CACNA2D4: variants seen among roughly 807,000 people sequenced by gnomAD.
CACNA2D4 encodes the protein calcium voltage-gated channel auxiliary subunit alpha2delta 4.
In CACNA2D4, 157 loss-of-function variants were observed where a neutral mutation model predicts 163.8. The ratio of observed to expected loss-of-function variants is 0.96; its 90% CI spans 0.84 to 1.09. The LOEUF is 1.09. Ranked by LOEUF, CACNA2D4 falls within the 50% of genes least tolerant of loss-of-function variation. The probability of loss-of-function intolerance (pLI) is 0.00; values close to 1 mark genes in which losing one functional copy is unlikely to be tolerated. For synonymous variants in CACNA2D4, 598 were observed against 586.9 expected (o/e 1.02, Z -0.27); for missense variants, 1,410 against 1,479.9 (o/e 0.95, Z 0.78).
At chr12:1,827,370 C>T (rs139676246) in intron 26 of CACNA2D4, 307 of 153,094 alleles carry the variant, frequency 2.0e-3, no homozygotes, top group Admixed American at 4.0e-3. Flanking sequence ...CCCTACTCTG[C>T]GTTCTCACCT....
intron 36 of CACNA2D4, 61 bp downstream of exon 36, chr12:1,795,607 C>G (rs997569250): frequency 2.4e-6 from 3 of 1,225,144 alleles, no homozygotes. Flanking sequence ...AATCTGAGCC[C>G]TACAGACACC....
In CACNA2D4 at chr12:1,799,028, T is replaced by A. The variant is rs377223042; in HGVS notation, c.2995+647A>T. Among the ~76,000 whole-genome samples, 27 of 152,074 alleles carry A rather than the reference T, an allele frequency of 1.8e-4. No homozygotes were observed. In the East Asian group the frequency reaches 4.8e-3, roughly 27 times the overall value. ...TGGGATAAGCTGGGGACAGCCCAGG[T>A]GGTGGGAAGTTCTGGAACCCCATGG... On this transcript the variant is annotated intron_variant, in intron 34 of 37. Coordinates refer to ENST00000382722, the MANE Select transcript of CACNA2D4 (RefSeq NM_172364.5). The surrounding 1 kb of genome is among the most constrained non-coding windows in gnomAD (Gnocchi z 4.7).
At chr12:1,887,580 G>A (rs1231116540) in intron 6 of CACNA2D4, among the ~76,000 whole-genome samples, 1 of 152,208 alleles carries the variant, frequency 6.6e-6, no homozygotes, top group Non-Finnish European at 1.5e-5. Context: ...ACCCAGCAGA[G>A]TATATGCTTA....
chr12:1,838,797 C>T (rs1295646410), intron 26 of CACNA2D4, among the ~76,000 whole-genome samples: 4 of 152,316 alleles, frequency 2.6e-5, no homozygotes, highest in Non-Finnish European at 4.4e-5. Flanking sequence ...GCCCCCATCA[C>T]GTGGGAGCAG....
At chr12:1,796,044 A>C in intron 35 of CACNA2D4, 1 of 499,586 alleles carries the variant, frequency 2.0e-6, no homozygotes, top group South Asian at 2.3e-5. Context: ...CGCTTTGGAG[A>C]GTGCAGAGTT....
rs1373860439 is a variant in CACNA2D4, at chr12:1,869,415, C to T, written c.1878+5189G>A. Among the ~76,000 whole-genome samples the T allele has an allele frequency of 6.6e-6, 1 of 152,230 alleles. No homozygotes were observed. The highest frequency in any genetic ancestry group is 2.4e-5 in the African/African-American group (1 of 41,454). On this transcript the variant is annotated intron_variant, in intron 18 of 37. Coordinates refer to ENST00000382722, the MANE Select transcript of CACNA2D4 (RefSeq NM_172364.5). This position sits in a 1 kb window ranked among gnomAD's most constrained non-coding sequence, Gnocchi z 4.7. Reference sequence around the variant, plus strand: ...CTGCTGGCTCTCCTCCTTCAGTTTCCCTGAGACCTAACCTGGTGAGGATGC... The same window carrying T: ...CTGCTGGCTCTCCTCCTTCAGTTTCTCTGAGACCTAACCTGGTGAGGATGC...
intron 26 of CACNA2D4, among the ~76,000 whole-genome samples, chr12:1,825,691 T>C (rs1864285156): frequency 6.6e-6 from 1 of 152,212 alleles, no homozygotes; most frequent in African/African-American, 2.4e-5. Context: ...ACGTGCTGTG[T>C]ACAGAGCTCC....
chr12:1,831,280 A>T (rs1006539210), intron 26 of CACNA2D4: 1 of 1,613,506 alleles, frequency 6.2e-7, no homozygotes. Flanking sequence ...CTGCTGCGGC[A>T]CTCGCCGCTG....
rs1274410745 is a variant in CACNA2D4, at chr12:1,792,664, T to G, written c.*991A>C. On this transcript the variant is annotated 3_prime_UTR_variant, in exon 38 of 38. Transcript: ENST00000382722. ...GGGCCTTGGGACCCTGGGGGAGATGTGTGTGCGCTGGGGGTGAGTTCCCAG... is the reference window on the plus strand; with the variant it reads ...GGGCCTTGGGACCCTGGGGGAGATGGGTGTGCGCTGGGGGTGAGTTCCCAG... The G allele has an allele frequency of 6.6e-6, 1 of 151,946 alleles. No individual in the cohort carries two copies. The highest frequency in any genetic ancestry group is 2.4e-5 in the African/African-American group (1 of 41,332). 9.4% of individuals were successfully genotyped at this position (151,946 alleles called of 1,614,324 possible). A position where few individuals can be genotyped will look rare whatever the true frequency, so the allele number is the denominator to read the frequency against.
In CACNA2D4 at chr12:1,793,393, G is replaced by T; in HGVS notation, c.*262C>A. On this transcript the variant is annotated 3_prime_UTR_variant, in exon 38 of 38. Coordinates refer to ENST00000382722, the MANE Select transcript of CACNA2D4 (RefSeq NM_172364.5). Reference sequence around the variant, plus strand: ...TGGCTTCCCGAAGAGGAGACAGGAAGGTTAGGTCAGAAGTATGCTCATGTT... The same window carrying T: ...TGGCTTCCCGAAGAGGAGACAGGAATGTTAGGTCAGAAGTATGCTCATGTT... 1.8e-6 allele frequency: 1 copy of T among 549,820 alleles called. No individual in the cohort carries two copies. Among genetic ancestry groups the T allele is most frequent in the Non-Finnish European group, 3.3e-6 (1 of 306,854 alleles). 34.1% of individuals were successfully genotyped at this position (549,820 alleles called of 1,614,324 possible). A position where few individuals can be genotyped will look rare whatever the true frequency, so the allele number is the denominator to read the frequency against.
intron 6 of CACNA2D4, among the ~76,000 whole-genome samples, chr12:1,894,415 A>G (rs1734547524): frequency 6.6e-6 from 1 of 152,190 alleles, no homozygotes; most frequent in South Asian, 2.1e-4. Context: ...TATCAAAACC[A>G]GATAAAGACA....
At chr12:1,887,160 C>G (rs1478231944) in intron 6 of CACNA2D4, 91 bp from the exon 7 acceptor site, 1 of 843,694 alleles carries the variant, frequency 1.2e-6, no homozygotes, top group Non-Finnish European at 2.0e-6. Context: ...GGCCATGATC[C>G]CCAGGGCAGA....
chr12:1,877,995 C>T (rs1334882853), intron 16 of CACNA2D4, among the ~76,000 whole-genome samples: 2 of 152,284 alleles, frequency 1.3e-5, no homozygotes, highest in South Asian at 2.1e-4. Context: ...CACCCAACTT[C>T]GCAGGCCCCC....
chr12:1,861,746 C>CT (rs1030310175), intron 18 of CACNA2D4, among the ~76,000 whole-genome samples: 2 of 151,312 alleles, frequency 1.3e-5, no homozygotes, highest in Non-Finnish European at 1.5e-5. Flanking sequence ...CTCGGCCTAT[C>CT]TTTTTTTTTA....
At chr12:1,912,712 G>C (rs1024428357) in intron 3 of CACNA2D4, among the ~76,000 whole-genome samples, 3 of 152,234 alleles carry the variant, frequency 2.0e-5, no homozygotes, top group Admixed American at 1.3e-4. Context: ...ACTGGTCACT[G>C]GGTATGGCCT....
Position 1,793,483 on chromosome 12 carries a change from T to C in CACNA2D4, c.*172A>G. ...TTGAAAGTGGTGCCAGGTGATTGGT[T>C]TCCTGTTCCATCCAGCATTCTCCGG... On this transcript the variant is annotated 3_prime_UTR_variant, in exon 38 of 38. Transcript: ENST00000382722. The C allele has an allele frequency of 1.5e-6, 1 of 657,004 alleles. No homozygotes were observed. Among genetic ancestry groups the C allele is most frequent in the Admixed American group, 2.2e-5 (1 of 44,646 alleles). The allele number at this position is 657,004 out of a possible 1,614,324, so 40.7% of individuals were successfully genotyped here.
chr12:1,826,644 G>C, intron 26 of CACNA2D4, among the ~76,000 whole-genome samples: 1 of 152,232 alleles, frequency 6.6e-6, no homozygotes, highest in East Asian at 1.9e-4. Context: ...TCGCTGCGTG[G>C]GGGAAGGGGA....
intron 26 of CACNA2D4, among the ~76,000 whole-genome samples, chr12:1,823,606 C>T (rs1395541620): frequency 1.3e-5 from 2 of 152,034 alleles, no homozygotes; most frequent in Non-Finnish European, 2.9e-5. Context: ...CGGCCTACTC[C>T]CCTCACCTCA....
intron 23 of CACNA2D4, among the ~76,000 whole-genome samples, chr12:1,853,077 T>C (rs1410428287): frequency 3.9e-5 from 6 of 152,194 alleles, no homozygotes; most frequent in Admixed American, 2.0e-4. Context: ...CACCAACATG[T>C]TAGGGTGAAA....
Sources: gnomAD v4.1 joint callset for allele counts (sites outside exome capture counted in the v4.1 genomes callset) on GRCh38, gnomAD v4.1.1 for gene constraint, Gnocchi (gnomAD v3.1) non-coding constraint, MANE v1.5 for transcripts, NCBI Gene and HGNC (gene_info 2026-07-23, HGNC 2026-07-21) for gene names.